RRP7A: variants seen among roughly 807,000 people sequenced by gnomAD.
RRP7A encodes ribosomal RNA processing 7 homolog A, also known as ribosomal RNA-processing protein 7 homolog A.
In RRP7A, 27 loss-of-function variants were observed where a neutral mutation model predicts 38.4. The ratio of observed to expected loss-of-function variants is 0.70; its 90% confidence interval spans 0.52 to 0.97. The LOEUF is 0.97. Ranked by LOEUF, RRP7A falls within the 50% of genes least tolerant of loss-of-function variation. The pLI is 0.00. For missense variants in RRP7A, 327 were observed against 375.4 expected (o/e 0.87, Z 1.07); for synonymous variants, 124 against 150.3 (o/e 0.83, Z 1.28).
At chr22:42,518,499 C>G (rs1001187455) in intron 1 of RRP7A, 1 of 435,226 alleles carries the variant, frequency 2.3e-6, no homozygotes, top group African/African-American at 2.0e-5. Context: ...ACTGTGACCT[C>G]TTCTCGTACC....
intron 6 of RRP7A, 128 bp from the exon 7 acceptor site, chr22:42,513,123 C>G (rs1932521591): frequency 5.1e-6 from 4 of 778,340 alleles, no homozygotes; most frequent in Non-Finnish European, 8.7e-6. Flanking sequence ...AGCCCATCCC[C>G]CTCCCAGCTC....
In RRP7A at chr22:42,512,880, CCT is replaced by C. The variant is rs1165614792; in HGVS notation, c.*28_*29del. On this transcript the variant is annotated 3_prime_UTR_variant, in exon 7 of 7. Coordinates refer to ENST00000323013, the MANE Select transcript of RRP7A (RefSeq NM_015703.5). ...TGCCTCGCCTCCTCCTGGCCCTGCA[CCT>C]CCAGCCATTCACTGCGGCTCTCACA... is the stretch of plus-strand genomic sequence containing the variant. 1 of 1,606,696 alleles carries C rather than the reference CCT, an allele frequency of 6.2e-7. No homozygotes were observed. The highest frequency in any genetic ancestry group is 8.5e-7 in the Non-Finnish European group (1 of 1,174,610).
chr22:42,514,848 G>A (rs1379856103), intron 4 of RRP7A, 69 bp from the exon 5 acceptor site: 4 of 1,177,206 alleles, frequency 3.4e-6, no homozygotes, highest in Non-Finnish European at 5.0e-6. Context: ...CCCAGGGCCT[G>A]CCAGGCAAAT....
rs1932356190 is a variant in RRP7A, at chr22:42,508,978, A to G, written c.*3932T>C. On this transcript the variant is annotated 3_prime_UTR_variant, in exon 7 of 7. Transcript: ENST00000323013. ...AACAGAGATGGGTTTCGTGCCCACG[A>G]GAGTGCCTGTGCCTTGTGACGAGAA... The G allele has an allele frequency of 6.2e-7, 1 of 1,611,806 alleles. No homozygotes were observed. Among genetic ancestry groups the G allele is most frequent in the Non-Finnish European group, 8.5e-7 (1 of 1,178,448 alleles).
Position 42,512,150 on chromosome 22 carries a change from C to G in RRP7A, c.*760G>C. On this transcript the variant is annotated 3_prime_UTR_variant, in exon 7 of 7. Coordinates refer to ENST00000323013, the MANE Select transcript of RRP7A (RefSeq NM_015703.5). ...AGTTTGTGGAAGTCCCAGGCAATCACTGTGTCCACATGAGCGAACCCCAGC... is the reference window on the plus strand; with the variant it reads ...AGTTTGTGGAAGTCCCAGGCAATCAGTGTGTCCACATGAGCGAACCCCAGC... 6.5e-7 allele frequency: 1 copy of G among 1,534,476 alleles called. No homozygotes were observed.
chr22:42,517,032 C>T (rs941065368), intron 2 of RRP7A, among the ~76,000 whole-genome samples: 9 of 152,214 alleles, frequency 5.9e-5, no homozygotes, highest in African/African-American at 2.2e-4. Context: ...AATCCCAGCA[C>T]GTTGGGAGGC....
At chr22:42,518,381 A>G (rs1920937036) in intron 1 of RRP7A, among the ~76,000 whole-genome samples, 1 of 150,732 alleles carries the variant, frequency 6.6e-6, no homozygotes, top group Non-Finnish European at 1.5e-5. Flanking sequence ...TAAATGGGCA[A>G]TGATTACAGA....
intron 1 of RRP7A, among the ~76,000 whole-genome samples, chr22:42,519,484 G>T (rs952020393): frequency 6.6e-6 from 1 of 152,158 alleles, no homozygotes; most frequent in South Asian, 2.1e-4. Context: ...CTCACCCAAG[G>T]GAAGCGTGGA....
chr22:42,513,244 C>T (rs955874131), intron 6 of RRP7A, among the ~76,000 whole-genome samples: 2 of 142,754 alleles, frequency 1.4e-5, no homozygotes, highest in African/African-American at 5.1e-5. Flanking sequence ...GGAGATGAAG[C>T]CCTAGCGACA....
At position 42,510,721 on chromosome 22, in the gene RRP7A, A is replaced by AG; in HGVS notation, c.*2188dup. On this transcript the variant is annotated 3_prime_UTR_variant, in exon 7 of 7. Transcript: ENST00000323013. Reference sequence around the variant, plus strand: ...TAGACACAATGAAATCCACCCTCAAAGAGGTAAGGCGGGGCTCAGGCAGCT... The same window carrying AG: ...TAGACACAATGAAATCCACCCTCAAAGGAGGTAAGGCGGGGCTCAGGCAGCT... 6.6e-7 allele frequency: 1 copy of AG among 1,526,300 alleles called. No individual in the cohort carries two copies. Among genetic ancestry groups the AG allele is most frequent in the East Asian group, 2.5e-5 (1 of 39,672 alleles). 94.5% of individuals were successfully genotyped at this position (1,526,300 alleles called of 1,614,324 possible).
rs556384871 is a variant in RRP7A, at chr22:42,508,588, A to C, written c.*4322T>G. Among the ~76,000 whole-genome samples the C allele has an allele frequency of 9.8e-5, 15 of 152,306 alleles. No homozygotes were observed. In the East Asian group the frequency reaches 2.9e-3, roughly 29 times the overall value. On this transcript the variant is annotated 3_prime_UTR_variant, in exon 7 of 7. Coordinates refer to ENST00000323013, the MANE Select transcript of RRP7A (RefSeq NM_015703.5). ...AGTGCCCATCCTGCACTGTGGTCCC[A>C]GCAAGTTTCTTTCTCCTGGCAAGAA...
At position 42,514,806 on chromosome 22, in the gene RRP7A, G is replaced by A. The variant is rs747220444; in HGVS notation, c.461-27C>T. 1.5e-5 allele frequency: 24 copies of A among 1,561,390 alleles called. No homozygotes were observed. The African/African-American group carries it at 2.4e-4, about 15-fold the overall frequency. Reference sequence around the variant, plus strand: ...TGAGGAAAAGGGAGCCAGGGAAACGGGGCTTCCTCAGGCCTGGCATTTGGG... The same window carrying A: ...TGAGGAAAAGGGAGCCAGGGAAACGAGGCTTCCTCAGGCCTGGCATTTGGG... On this transcript the variant is annotated intron_variant, in intron 4 of 6. Transcript: ENST00000323013.
intron 2 of RRP7A, 172 bp from the exon 3 acceptor site, chr22:42,516,308 G>A (rs1217717922): frequency 3.6e-6 from 3 of 823,088 alleles, no homozygotes; most frequent in Non-Finnish European, 6.0e-6. Context: ...TGTTCCCCAG[G>A]GACAATATGG....
rs1379914311 is a variant in RRP7A, at chr22:42,512,806, C to G, written c.*104G>C. 2 of 1,244,488 alleles carry G rather than the reference C, an allele frequency of 1.6e-6. No homozygotes were observed. The allele number at this position is 1,244,488 out of a possible 1,614,324, so 77.1% of individuals were successfully genotyped here. A position where few individuals can be genotyped will look rare whatever the true frequency, so the allele number is the denominator to read the frequency against. Reference sequence around the variant, plus strand: ...GCTGTTGGACGCGGTGGCCTTCAACCTGGGGCCCGTTGGCCAGAGCTCGGC... The same window carrying G: ...GCTGTTGGACGCGGTGGCCTTCAACGTGGGGCCCGTTGGCCAGAGCTCGGC... On this transcript the variant is annotated 3_prime_UTR_variant, in exon 7 of 7. Coordinates refer to ENST00000323013, the MANE Select transcript of RRP7A (RefSeq NM_015703.5).
Position 42,510,772 on chromosome 22 carries a change from T to C in RRP7A, c.*2138A>G. On this transcript the variant is annotated 3_prime_UTR_variant, in exon 7 of 7. Transcript: ENST00000323013. ...GGTGTCCAGCCACTGTCGCCCACTC[T>C]GGTCCCACCTCACCCATCTCTTCTC... 2.8e-6 allele frequency: 4 copies of C among 1,435,514 alleles called. No homozygotes were observed. Among genetic ancestry groups the C allele is most frequent in the Non-Finnish European group, 3.7e-6 (4 of 1,080,786 alleles). The allele number at this position is 1,435,514 out of a possible 1,614,324, so 88.9% of individuals were successfully genotyped here. A position where few individuals can be genotyped will look rare whatever the true frequency, so the allele number is the denominator to read the frequency against.
chr22:42,514,517 T>C (rs930408183), intron 5 of RRP7A, among the ~76,000 whole-genome samples, 165 bp downstream of exon 5: 3 of 152,068 alleles, frequency 2.0e-5, no homozygotes, highest in African/African-American at 7.2e-5. Flanking sequence ...ATGTGGAGAC[T>C]ACATGTGTCA....
Position 42,516,003 on chromosome 22 carries a change from C to A in RRP7A, c.342+8G>T. ...CACTCTAGTGGAACCCCGGGCTTGGCGGCTCACCGGAACTGGCTTGGGATG... is the reference window on the plus strand; with the variant it reads ...CACTCTAGTGGAACCCCGGGCTTGGAGGCTCACCGGAACTGGCTTGGGATG... On this transcript the variant is annotated splice_region_variant and intron_variant, in intron 3 of 6. Transcript: ENST00000323013. The A allele has an allele frequency of 2.5e-6, 4 of 1,583,422 alleles. No homozygotes were observed. Among genetic ancestry groups the A allele is most frequent in the Non-Finnish European group, 2.6e-6 (3 of 1,162,482 alleles).
At position 42,514,277 on chromosome 22, in the gene RRP7A, C is replaced by T; in HGVS notation, c.586G>A (p.Gly196Arg). ...EEEAKAKEEEGVPDEEGWVKV... is the reference protein window; with the variant it reads ...EEEAKAKEEERVPDEEGWVKV... ...ACCCAGCCCTCCTCGTCAGGGACCC[C>T]CTCCTCCTCCTTGGCCTTAGCTTCT... Residue 196 changes from glycine to arginine, a missense_variant, in exon 6 of 7, where the codon GGG (glycine) becomes AGG (arginine). Gly to Arg is a moderately radical substitution (Grantham distance 125). Around this residue, in one of 5 missense-constraint regions of RRP7A, gnomAD observed 46 missense variants for 93.0 expected, o/e 0.49. Coordinates refer to ENST00000323013, the MANE Select transcript of RRP7A (RefSeq NM_015703.5). 6.3e-7 allele frequency: 1 copy of T among 1,589,560 alleles called. No individual in the cohort carries two copies. The highest frequency in any genetic ancestry group is 8.6e-7 in the Non-Finnish European group (1 of 1,165,272).
At position 42,509,663 on chromosome 22, in the gene RRP7A, G is replaced by A. The variant is rs1034234054; in HGVS notation, c.*3247C>T. 3.9e-5 allele frequency among the ~76,000 whole-genome samples: 6 copies of A among 151,976 alleles called. No homozygotes were observed. The highest frequency in any genetic ancestry group is 3.4e-3 in the Middle Eastern group (1 of 294). On this transcript the variant is annotated 3_prime_UTR_variant, in exon 7 of 7. Coordinates refer to ENST00000323013, the MANE Select transcript of RRP7A (RefSeq NM_015703.5). Reference sequence around the variant, plus strand: ...CGATTTTTAAGCCATAAAAAGAAACGAAGCACTGACATGGGCTCCAGCATG... The same window carrying A: ...CGATTTTTAAGCCATAAAAAGAAACAAAGCACTGACATGGGCTCCAGCATG...
Sources: allele counts gnomAD v4.1 joint callset (sites outside exome capture counted in the v4.1 genomes callset), GRCh38; gene constraint gnomAD v4.1.1; regional missense constraint gnomAD v4.1.1; transcripts MANE v1.5; gene names NCBI Gene and HGNC (gene_info 2026-07-23, HGNC 2026-07-21).